GNAL: variants seen among roughly 807,000 people sequenced by gnomAD.
GNAL encodes G protein subunit alpha L.
Under a neutral mutation model 55.1 loss-of-function variants are expected in GNAL, and 18 were observed. The ratio of observed to expected loss-of-function variants is 0.33; its 90% CI spans 0.23 to 0.48. The LOEUF is 0.48. Among genes scored for constraint, GNAL ranks in the 20% least tolerant of loss-of-function variants. The probability of loss-of-function intolerance (pLI) is 0.99; values close to 1 mark genes in which losing one functional copy is unlikely to be tolerated. For missense variants in GNAL, 412 were observed against 614.1 expected (o/e 0.67, Z 3.48); for synonymous variants, 253 against 237.0 (o/e 1.07, Z -0.62).
intron 1 of GNAL, among the ~76,000 whole-genome samples, chr18:11,718,263 G>T (rs2143393114): frequency 6.6e-6 from 1 of 152,200 alleles, no homozygotes; most frequent in Non-Finnish European, 1.5e-5. Flanking sequence ...TAAATTTTTA[G>T]TGCAAATTGT....
At chr18:11,809,227 C>T (rs1479920329) in intron 4 of GNAL, among the ~76,000 whole-genome samples, 2 of 151,732 alleles carry the variant, frequency 1.3e-5, no homozygotes, top group African/African-American at 4.8e-5. Context: ...CACTGCCCTC[C>T]AGCCTGGGCG....
chr18:11,689,601 G>T lies in GNAL; in HGVS notation c.38G>T (p.Gly13Val). ...TACAGTCTGCGGCCGCTGCTTTTCG[G>T]GGGCCCAGGGGACGACCCCTGCGCG... ...LCYSLRPLLF[G>V]GPGDDPCAAS... The change falls in exon 1 of 12, where the codon GGG becomes GTG. Residue 13 changes from glycine to valine, a missense_variant. Coordinates refer to ENST00000334049, the MANE Select transcript of GNAL (RefSeq NM_182978.4). 7.5e-7 allele frequency: 1 copy of T among 1,335,762 alleles called. No homozygotes were observed. Among genetic ancestry groups the T allele is most frequent in the Non-Finnish European group, 9.5e-7 (1 of 1,053,488 alleles). The allele number at this position is 1,335,762 out of a possible 1,614,324, so 82.7% of individuals were successfully genotyped here.
At position 11,885,677 on chromosome 18, in the gene GNAL, A is replaced by G; in HGVS notation, c.*4542A>G. On this transcript the variant is annotated 3_prime_UTR_variant, in exon 12 of 12. Transcript: ENST00000334049. ...GACAAAAATAAACTTTCACGTTACC[A>G]TGATGAAACTGGGGTTGTTTCTGTT... 1.2e-6 allele frequency: 2 copies of G among 1,611,698 alleles called. No homozygotes were observed. The highest frequency in any genetic ancestry group is 1.1e-5 in the South Asian group (1 of 90,982).
In GNAL at chr18:11,885,597, G is replaced by A. The variant is rs534956023; in HGVS notation, c.*4462G>A. The stretch of plus-strand genomic sequence containing the variant: ...TGGCTTTTGTAAATTTTGACCGATT[G>A]CAGCAATTAAATAGTTGATTACTGT... On this transcript the variant is annotated 3_prime_UTR_variant, in exon 12 of 12. Coordinates refer to ENST00000334049, the MANE Select transcript of GNAL (RefSeq NM_182978.4). The A allele has an allele frequency of 5.3e-6, 8 of 1,504,944 alleles. No individual in the cohort carries two copies. The East Asian group carries it at 1.9e-4, about 35-fold the overall frequency. The allele number at this position is 1,504,944 out of a possible 1,614,324, so 93.2% of individuals were successfully genotyped here. A position where few individuals can be genotyped will look rare whatever the true frequency, so the allele number is the denominator to read the frequency against.
At chr18:11,846,442 A>AAT (rs2035738661) in intron 5 of GNAL, among the ~76,000 whole-genome samples, 2 of 129,506 alleles carry the variant, frequency 1.5e-5, no homozygotes, top group East Asian at 4.5e-4. Flanking sequence ...TAAATATATA[A>AAT]ATATAAATAT....
At chr18:11,852,983 A>G (rs985242164) in intron 5 of GNAL, 4 of 167,108 alleles carry the variant, frequency 2.4e-5, no homozygotes, top group Non-Finnish European at 5.9e-5. Flanking sequence ...AATTATGCTA[A>G]TTAGCATGGC....
chr18:11,875,891 G>C (rs2036520170), intron 10 of GNAL, among the ~76,000 whole-genome samples: 1 of 152,206 alleles, frequency 6.6e-6, no homozygotes, highest in South Asian at 2.1e-4. Flanking sequence ...TTCAGTGTCT[G>C]GTAAGGGTTT....
At chr18:11,807,267 G>A (rs1156620658) in intron 4 of GNAL, among the ~76,000 whole-genome samples, 8 of 152,184 alleles carry the variant, frequency 5.3e-5, no homozygotes, top group Admixed American at 4.6e-4. Context: ...ATTGTTTTGA[G>A]CCCACCTGTA....
At position 11,752,566 on chromosome 18, in the gene GNAL, C is replaced by T; in HGVS notation, c.377-287C>T. 1 of 1,610,378 alleles carries T rather than the reference C, an allele frequency of 6.2e-7. No individual in the cohort carries two copies. Among genetic ancestry groups the T allele is most frequent in the Non-Finnish European group, 8.5e-7 (1 of 1,178,682 alleles). On this transcript the variant is annotated intron_variant, in intron 1 of 11. Coordinates refer to ENST00000334049, the MANE Select transcript of GNAL (RefSeq NM_182978.4). The surrounding 1 kb of genome is among the most constrained non-coding windows in gnomAD (Gnocchi z 4.5). The stretch of plus-strand genomic sequence containing the variant: ...CCTGGCTTACAAGGCTACCCACCGC[C>T]TGCTGCTCCTGGGTAAGGCCGAGGG...
At chr18:11,705,769 T>C (rs929859489) in intron 1 of GNAL, among the ~76,000 whole-genome samples, 74 of 149,556 alleles carry the variant, frequency 4.9e-4, no homozygotes, top group African/African-American at 1.7e-3. Flanking sequence ...TTTTTTTTTT[T>C]TTCTGAGACA....
At position 11,884,686 on chromosome 18, in the gene GNAL, T is replaced by C. The variant is rs113658247; in HGVS notation, c.*3551T>C. 8.4e-6 allele frequency: 13 copies of C among 1,543,730 alleles called. No individual in the cohort carries two copies. Among genetic ancestry groups the C allele is most frequent in the East Asian group, 2.3e-5 (1 of 44,190 alleles). On this transcript the variant is annotated 3_prime_UTR_variant, in exon 12 of 12. Coordinates refer to ENST00000334049, the MANE Select transcript of GNAL (RefSeq NM_182978.4). ...ACCAGGCACACGTTGAACACCGCAG[T>C]CTTAGAAACAGCAGAGGGAAGACTG...
At chr18:11,782,719 A>G (rs954529563) in intron 4 of GNAL, among the ~76,000 whole-genome samples, 38 of 152,346 alleles carry the variant, frequency 2.5e-4, no homozygotes, top group African/African-American at 8.2e-4. Context: ...GTAAGAGTCA[A>G]TGATGACTGT....
intron 4 of GNAL, 119 bp downstream of exon 4, chr18:11,754,064 T>C (rs1241966812): frequency 4.9e-5 from 37 of 756,180 alleles, no homozygotes; most frequent in Non-Finnish European, 8.1e-5. Flanking sequence ...GAAATCCAGC[T>C]CTCTAAATGC....
rs59734555 is a variant in GNAL, at chr18:11,845,438, T to TAA, written c.723-16948_723-16947dup. Among the ~76,000 whole-genome samples the TAA allele has an allele frequency of 1.0e-3, 151 of 149,018 alleles. 1 individual carries two copies. The highest frequency in any genetic ancestry group is 2.4e-3 in the African/African-American group (97 of 40,818). On this transcript the variant is annotated intron_variant, in intron 5 of 11. Transcript: ENST00000334049. ...CAGGAGAGTGCACTTTTCTTGAAAA[T>TAA]AAAAAAAAAAGTAGCATAATAAAGA...
intron 5 of GNAL, among the ~76,000 whole-genome samples, 168 bp downstream of exon 5, chr18:11,825,183 T>G (rs1459836908): frequency 6.6e-6 from 1 of 152,228 alleles, no homozygotes; most frequent in African/African-American, 2.4e-5. Flanking sequence ...GATGGAAAAT[T>G]GAAAATCCAG....
At chr18:11,699,120 A>G (rs1289233132) in intron 1 of GNAL, among the ~76,000 whole-genome samples, 1 of 152,152 alleles carries the variant, frequency 6.6e-6, no homozygotes, top group East Asian at 1.9e-4. Flanking sequence ...GGAGCCCTAG[A>G]TGATTATTTC....
rs964924062 is a variant in GNAL, at chr18:11,866,022, C to G, written c.852-1146C>G. Among the ~76,000 whole-genome samples the G allele has an allele frequency of 4.7e-5, 7 of 149,708 alleles. 1 individual carries two copies. Among genetic ancestry groups the G allele is most frequent in the African/African-American group, 1.8e-4 (7 of 39,122 alleles). On this transcript the variant is annotated intron_variant, in intron 7 of 11. Coordinates refer to ENST00000334049, the MANE Select transcript of GNAL (RefSeq NM_182978.4). ...TCAGTGCACAGGTGACAGACACCTA[C>G]TTCCAGATTTCCCAAGAACCCTTCA...
At chr18:11,827,149 G>A (rs962327788) in intron 5 of GNAL, among the ~76,000 whole-genome samples, 6 of 152,130 alleles carry the variant, frequency 3.9e-5, no homozygotes, top group Non-Finnish European at 7.3e-5. Context: ...TGCTCAGTCC[G>A]CAGGCATGTG....
chr18:11,862,348 A>T (rs1302007944), intron 5 of GNAL, 47 bp from the exon 6 acceptor site: 1 of 1,500,002 alleles, frequency 6.7e-7, no homozygotes, highest in South Asian at 1.1e-5. Context: ...ACCCCAGGGG[A>T]AAGTGGGCAG....
Sources: gnomAD v4.1 joint callset for allele counts (sites outside exome capture counted in the v4.1 genomes callset) on GRCh38, gnomAD v4.1.1 for gene constraint, Gnocchi (gnomAD v3.1) non-coding constraint, MANE v1.5 for transcripts, NCBI Gene and HGNC (gene_info 2026-07-23, HGNC 2026-07-21) for gene names.